GTPBP4: variants seen among roughly 807,000 people sequenced by gnomAD.
The protein encoded by GTPBP4 is GTP binding protein 4.
Under a neutral mutation model 81.7 loss-of-function variants are expected in GTPBP4, and 15 were observed. That is an observed-to-expected ratio of 0.18 (90% CI 0.12 to 0.28). GTPBP4 has a LOEUF of 0.28. GTPBP4 is among the 10% of genes least tolerant of loss of function. GTPBP4 has a pLI of 1.00. For synonymous variants in GTPBP4, 272 were observed against 274.6 expected (o/e 0.99, Z 0.09); for missense variants, 847 against 793.8 (o/e 1.07, Z -0.81).
At chr10:1,006,536 G>T (rs1412849237) in intron 9 of GTPBP4, among the ~76,000 whole-genome samples, 2 of 152,214 alleles carry the variant, frequency 1.3e-5, no homozygotes, top group Admixed American at 1.3e-4. Context: ...TACTCGGGAG[G>T]CTGAGGCAGG....
chr10:992,534 A>G lies in GTPBP4; in HGVS notation c.94A>G (p.Thr32Ala). The G allele has an allele frequency of 6.2e-7, 1 of 1,605,560 alleles. No individual in the cohort carries two copies. Among genetic ancestry groups the G allele is most frequent in the Non-Finnish European group, 8.5e-7 (1 of 1,172,356 alleles). Reference protein sequence around the residue: ...TLSKTQRKTPTVIHKHYQIHR... With the variant: ...TLSKTQRKTPAVIHKHYQIHR... ...GTCGAAGACTCAACGAAAGACTCCA[A>G]CCGTTATTCATAAACATTACCAAAT... Residue 32 changes from threonine (T) to alanine (A), a missense_variant, in exon 2 of 17, where the codon ACC becomes GCC. Thr to Ala is a moderately conservative substitution (Grantham distance 58). Around this residue, in one of 3 missense-constraint regions of GTPBP4, gnomAD observed 241 missense variants for 216.3 expected, o/e 1.11. Coordinates refer to ENST00000360803, the MANE Select transcript of GTPBP4 (RefSeq NM_012341.3).
intron 1 of GTPBP4, among the ~76,000 whole-genome samples, chr10:990,827 G>A (rs1831428747): frequency 6.6e-6 from 1 of 150,420 alleles, no homozygotes; most frequent in Non-Finnish European, 1.5e-5. Flanking sequence ...ATTGGGAGAG[G>A]AGAAGAGTGT....
chr10:1,000,725 A>G lies in GTPBP4; in HGVS notation c.703A>G (p.Thr235Ala). 2 of 1,577,994 alleles carry G rather than the reference A, an allele frequency of 1.3e-6. No individual in the cohort carries two copies. The highest frequency in any genetic ancestry group is 2.4e-5 in the South Asian group (2 of 83,952). Residue 235 changes from threonine to alanine, a missense_variant, in exon 7 of 17, where the codon ACC (threonine) becomes GCC (alanine). By Grantham distance (58) the Thr-to-Ala change is moderately conservative (BLOSUM62 0). Around this residue, in one of 3 missense-constraint regions of GTPBP4, gnomAD observed 600 missense variants for 557.1 expected, o/e 1.08. Transcript: ENST00000360803. ...GGACCACCCTCTGGAGGATAGGAAC[A>G]CCATCGAGATGCAGGCCATCACTGC... The part of the protein sequence containing the change: ...ILDHPLEDRN[T>A]IEMQAITALA...
intron 16 of GTPBP4, among the ~76,000 whole-genome samples, chr10:1,016,263 A>C (rs1033264833): frequency 1.3e-5 from 2 of 152,210 alleles, no homozygotes; most frequent in Non-Finnish European, 2.9e-5. Context: ...GGAACAGCAG[A>C]GGGAACTCCT....
rs1337089751 is a variant in GTPBP4 at position 995,954 on chromosome 10, T to G, written c.245T>G (p.Leu82Trp). The change falls in exon 3 of 17, where the codon TTG becomes TGG. Residue 82 changes from leucine to tryptophan, a missense_variant. By Grantham distance (61) the Leu-to-Trp change is moderately conservative. This residue lies in a region of GTPBP4 where 241 missense variants were observed against 216.3 expected (regional missense o/e 1.11). Coordinates refer to ENST00000360803, the MANE Select transcript of GTPBP4 (RefSeq NM_012341.3). ...GATATTCATCCGTTCTATGCTGATT[T>G]GATGAATATTCTCTACGACAAGGAT... The part of the protein sequence containing the change: ...LDDIHPFYAD[L>W]MNILYDKDHY... 6.2e-7 allele frequency: 1 copy of G among 1,608,860 alleles called. No individual in the cohort carries two copies. The highest frequency in any genetic ancestry group is 8.5e-7 in the Non-Finnish European group (1 of 1,175,344).
chr10:995,180 A>G (rs974919543), intron 2 of GTPBP4, among the ~76,000 whole-genome samples: 3 of 152,210 alleles, frequency 2.0e-5, no homozygotes, highest in Non-Finnish European at 2.9e-5. Context: ...ATTTAAATCT[A>G]TCTGAGATCA....
chr10:1,019,228 T>A lies in GTPBP4; in HGVS notation c.*2001T>A, dbSNP rs1434085318. ...GGACTCTCAAGATCTCCCCAAGACTTTCAGGATCAGCTGCTGTTAATCAAA... is the reference window on the plus strand; with the variant it reads ...GGACTCTCAAGATCTCCCCAAGACTATCAGGATCAGCTGCTGTTAATCAAA... On this transcript the variant is annotated 3_prime_UTR_variant, in exon 17 of 17. Coordinates refer to ENST00000360803, the MANE Select transcript of GTPBP4 (RefSeq NM_012341.3). 4.0e-5 allele frequency: 13 copies of A among 321,786 alleles called. No homozygotes were observed. Among genetic ancestry groups the A allele is most frequent in the Admixed American group, 4.7e-5 (1 of 21,368 alleles). 19.9% of individuals were successfully genotyped at this position (321,786 alleles called of 1,614,324 possible).
At chr10:996,383 C>T in intron 4 of GTPBP4, 141 bp downstream of exon 4, 3 of 568,744 alleles carry the variant, frequency 5.3e-6, no homozygotes, top group Non-Finnish European at 8.8e-6. Context: ...CTATGAGAAA[C>T]AGTAATAGGC....
At chr10:1,013,175 G>T (rs1005876142) in intron 14 of GTPBP4, among the ~76,000 whole-genome samples, 1 of 151,892 alleles carries the variant, frequency 6.6e-6, no homozygotes, top group African/African-American at 2.4e-5. Context: ...GTGGAGATGG[G>T]GTTTCACCAT....
chr10:1,012,325 G>A (rs952785793), intron 13 of GTPBP4, 140 bp from the exon 14 acceptor site: 1 of 577,158 alleles, frequency 1.7e-6, no homozygotes, highest in East Asian at 3.0e-5. Flanking sequence ...CACATAGGCA[G>A]GGCCCAGGTG....
intron 12 of GTPBP4, 26 bp downstream of exon 12, chr10:1,009,606 T>C (rs1328328740): frequency 1.5e-6 from 2 of 1,326,330 alleles, no homozygotes; most frequent in East Asian, 4.6e-5. Context: ...TGATCATTAT[T>C]ATAAAATGCC....
rs1831495636 is a variant in GTPBP4, at chr10:994,006, G to A, written c.219+1347G>A. Among the ~76,000 whole-genome samples, 3 of 152,054 alleles carry A rather than the reference G, an allele frequency of 2.0e-5. No individual in the cohort carries two copies. The South Asian group carries it at 6.2e-4, about 32-fold the overall frequency. ...ACTCCTGACCTCAGGTGATCCGCCT[G>A]CCTTGGCCTCCCAAAGTGCTGGGAT... On this transcript the variant is annotated intron_variant, in intron 2 of 16. Coordinates refer to ENST00000360803, the MANE Select transcript of GTPBP4 (RefSeq NM_012341.3).
chr10:998,963 G>A (rs1445238820), intron 5 of GTPBP4, 40 bp from the exon 6 acceptor site: 1 of 1,075,062 alleles, frequency 9.3e-7, no homozygotes, highest in Admixed American at 1.7e-5. Context: ...CGTGTACACA[G>A]AGGAAATGAG....
rs1256319371 is a variant in GTPBP4, at chr10:1,017,156, C to T, written c.1834C>T (p.His612Tyr). Residue 612 changes from histidine (H) to tyrosine (Y), a missense_variant, in exon 17 of 17, where the codon CAC (histidine) becomes TAC (tyrosine). By Grantham distance (83) the His-to-Tyr change is moderately conservative (BLOSUM62 2). Around this residue, in one of 3 missense-constraint regions of GTPBP4, gnomAD observed 600 missense variants for 557.1 expected, o/e 1.08. Coordinates refer to ENST00000360803, the MANE Select transcript of GTPBP4 (RefSeq NM_012341.3). The stretch of plus-strand genomic sequence containing the variant: ...GGGGAAGAAAGGGGAGGCGGATAGA[C>T]ACGTGTTTGATATGAAGCCCAAGCA... Reference protein sequence around the residue: ...RLGKKGEADRHVFDMKPKHLL... With the variant: ...RLGKKGEADRYVFDMKPKHLL... The T allele has an allele frequency of 1.9e-6, 3 of 1,613,550 alleles. No homozygotes were observed. The highest frequency in any genetic ancestry group is 2.5e-6 in the Non-Finnish European group (3 of 1,179,600).
Position 995,946 on chromosome 10 carries a change from T to C in GTPBP4, c.237T>C (p.Tyr79=). The C allele has an allele frequency of 6.2e-7, 1 of 1,605,312 alleles. No homozygotes were observed. Among genetic ancestry groups the C allele is most frequent in the Middle Eastern group, 1.7e-4 (1 of 6,048 alleles). The change falls in exon 3 of 17, where the codon TAT becomes TAC. Residue 79 remains tyrosine (Y), a synonymous_variant. Coordinates refer to ENST00000360803, the MANE Select transcript of GTPBP4 (RefSeq NM_012341.3). ...TGTTACAGGATATTCATCCGTTCTA[T>C]GCTGATTTGATGAATATTCTCTACG... The part of the protein sequence containing the change: ...FPKLDDIHPF[Y]ADLMNILYDK...
At chr10:988,686 C>T (rs1831386199) in intron 1 of GTPBP4, 159 bp downstream of exon 1, 1 of 626,442 alleles carries the variant, frequency 1.6e-6, no homozygotes. Flanking sequence ...GGATCATTTC[C>T]CCTCCCCCAG....
rs549547144 is a variant in GTPBP4 at position 1,012,283 on chromosome 10, TC to T, written c.1345-181del. The stretch of plus-strand genomic sequence containing the variant: ...GCTGGCGTTCACGTGGTCTCCATTT[TC>T]TTCACAGAACCCTCCCTGTGAGGTA... On this transcript the variant is annotated intron_variant, in intron 13 of 16. Coordinates refer to ENST00000360803, the MANE Select transcript of GTPBP4 (RefSeq NM_012341.3). The T allele has an allele frequency of 6.6e-4, 305 of 462,948 alleles. 2 individuals carry two copies. The East Asian group carries it at 0.011, about 16-fold the overall frequency. 28.7% of individuals were successfully genotyped at this position (462,948 alleles called of 1,614,324 possible).
chr10:1,000,235 C>CTTTTTTTTTTTTTTTTTTTTTTTT (rs11331615), intron 6 of GTPBP4, among the ~76,000 whole-genome samples: 1 of 49,266 alleles, frequency 2.0e-5, no homozygotes, highest in African/African-American at 7.8e-5. Context: ...GGGAGACCTA[C>CTTTTTTTTTTTTTTTTTTTTTTTT]TTTTTTTTTT....
At chr10:990,483 G>A (rs2132152921) in intron 1 of GTPBP4, among the ~76,000 whole-genome samples, 1 of 152,208 alleles carries the variant, frequency 6.6e-6, no homozygotes, top group African/African-American at 2.4e-5. Flanking sequence ...AGCACTTTGG[G>A]AGGCTGAGGC....
Sources: gnomAD v4.1 joint callset for allele counts (sites outside exome capture counted in the v4.1 genomes callset) on GRCh38, gnomAD v4.1.1 for gene constraint, gnomAD v4.1.1 regional missense constraint, MANE v1.5 for transcripts, NCBI Gene and HGNC (gene_info 2026-07-23, HGNC 2026-07-21) for gene names.